The following PTPRT variants were observed in gnomAD, a reference collection of about 807,000 sequenced individuals.
PTPRT encodes receptor-type tyrosine-protein phosphatase T.
Under a neutral mutation model 176.8 loss-of-function variants are expected in PTPRT, and 56 were observed. The ratio of observed to expected loss-of-function variants is 0.32; its 90% CI spans 0.26 to 0.40. PTPRT has a LOEUF of 0.40. PTPRT is among the 10% of genes least tolerant of loss of function. PTPRT has a pLI of 1.00. For missense variants in PTPRT, 1,540 were observed against 1,908.2 expected, an observed-to-expected ratio of 0.81 and a Z score of 3.60; for synonymous variants, 783 against 739.0, an observed-to-expected ratio of 1.06 and a Z score of -0.96.
intron 9 of PTPRT, among the ~76,000 whole-genome samples, chr20:42,398,584 C>T (rs951065573): frequency 2.6e-5 from 4 of 151,980 alleles, no homozygotes; most frequent in East Asian, 1.9e-4. Flanking sequence ...ATTCAAATGG[C>T]GCATCGACAA....
chr20:42,531,741 T>C (rs531658445), intron 7 of PTPRT, among the ~76,000 whole-genome samples: 1 of 152,294 alleles, frequency 6.6e-6, no homozygotes, highest in African/African-American at 2.4e-5. Context: ...AAAGAGACAG[T>C]CACTACTTTG....
intron 2 of PTPRT, among the ~76,000 whole-genome samples, chr20:42,862,087 TA>T (rs1203756026): frequency 1.3e-5 from 2 of 152,124 alleles, no homozygotes; most frequent in Non-Finnish European, 1.5e-5. Context: ...ATAAACAATA[TA>T]AAAATTAACA....
chr20:42,922,455 A>C (rs879904051), intron 1 of PTPRT, among the ~76,000 whole-genome samples: 10 of 152,196 alleles, frequency 6.6e-5, no homozygotes, highest in Non-Finnish European at 1.0e-4. Flanking sequence ...CTGTATATCT[A>C]ACTGCCTAGT....
At chr20:42,059,463 A>T in the PTPRT span, among the ~76,000 whole-genome samples, 2 of 152,202 alleles carry the variant, frequency 1.3e-5, no homozygotes, top group Non-Finnish European at 2.9e-5. Flanking sequence ...CAATGAAGAG[A>T]AATGGAGATA....
At chr20:42,583,256 A>T (rs994697620) in intron 7 of PTPRT, among the ~76,000 whole-genome samples, 4 of 152,124 alleles carry the variant, frequency 2.6e-5, no homozygotes, top group African/African-American at 9.7e-5. Context: ...TTAAAAATCA[A>T]ACGCATACTT....
intron 9 of PTPRT, among the ~76,000 whole-genome samples, chr20:42,440,793 A>C (rs995400257): frequency 6.6e-6 from 1 of 152,176 alleles, no homozygotes; most frequent in Non-Finnish European, 1.5e-5. Context: ...AGTTATGTCA[A>C]GACCAAATGC....
intron 7 of PTPRT, among the ~76,000 whole-genome samples, chr20:42,556,162 T>C (rs2072857843): frequency 1.3e-5 from 2 of 152,130 alleles, no homozygotes; most frequent in African/African-American, 4.8e-5. Flanking sequence ...CTAGCTCAGA[T>C]CACAAAACCC....
the PTPRT span, among the ~76,000 whole-genome samples, chr20:42,059,501 T>C: frequency 1.3e-5 from 2 of 152,188 alleles, no homozygotes. Context: ...TATTTGATTA[T>C]GTTGAATCAT....
intron 2 of PTPRT, among the ~76,000 whole-genome samples, chr20:42,797,751 G>C (rs2077472775): frequency 1.3e-5 from 2 of 152,138 alleles, no homozygotes; most frequent in African/African-American, 4.8e-5. Flanking sequence ...GTAATCACAA[G>C]GGTCCTTTAG....
chr20:42,457,633 A>G (rs2070946155), intron 8 of PTPRT, among the ~76,000 whole-genome samples: 1 of 152,200 alleles, frequency 6.6e-6, no homozygotes, highest in African/African-American at 2.4e-5. Flanking sequence ...GAAAGAATTT[A>G]GATATATTCA....
At chr20:42,543,462 C>T (rs1253921171) in intron 7 of PTPRT, among the ~76,000 whole-genome samples, 2 of 152,140 alleles carry the variant, frequency 1.3e-5, no homozygotes, top group African/African-American at 4.8e-5. Context: ...GGCTTCATAT[C>T]TAATTCTATT....
intron 6 of PTPRT, among the ~76,000 whole-genome samples, chr20:42,711,412 G>A (rs571370578): frequency 6.6e-6 from 1 of 152,188 alleles, no homozygotes; most frequent in Admixed American, 6.5e-5. Flanking sequence ...CTCTCCCTGT[G>A]GTAATCCATT....
intron 7 of PTPRT, among the ~76,000 whole-genome samples, chr20:42,672,511 T>C (rs190349415): frequency 1.3e-5 from 2 of 152,236 alleles, no homozygotes; most frequent in Admixed American, 1.3e-4. Context: ...CCCTGACTAA[T>C]ACAACCACTC....
intron 9 of PTPRT, among the ~76,000 whole-genome samples, chr20:42,446,695 G>A (rs1332679705): frequency 1.3e-5 from 2 of 151,464 alleles, no homozygotes; most frequent in Admixed American, 6.6e-5. Context: ...TTTTGTTTCA[G>A]TTAAATTTTC....
intron 1 of PTPRT, among the ~76,000 whole-genome samples, chr20:42,918,584 C>T (rs968530448): frequency 2.0e-5 from 3 of 152,146 alleles, no homozygotes; most frequent in Non-Finnish European, 4.4e-5. Flanking sequence ...CTGATCCTGT[C>T]CCCATTGCAA....
Position 42,791,325 on chromosome 20 carries a change from G to A in PTPRT, c.356C>T (p.Ala119Val), listed in dbSNP as rs2077371908. The A allele has an allele frequency of 1.9e-6, 3 of 1,614,086 alleles. No individual in the cohort carries two copies. Among genetic ancestry groups the A allele is most frequent in the Non-Finnish European group, 1.7e-6 (2 of 1,180,042 alleles). Reference protein sequence around the residue: ...FSSRDRSSPGALNVYVKVNGG... With the variant: ...FSSRDRSSPGVLNVYVKVNGG... Reference sequence around the variant, plus strand: ...ATTCACCTTCACGTAGACGTTCAAGGCCCCTGGGCTGGACCTGTCACGGCT... The same window carrying A: ...ATTCACCTTCACGTAGACGTTCAAGACCCCTGGGCTGGACCTGTCACGGCT... The change falls in exon 3 of 31, where the codon GCC becomes GTC. Residue 119 changes from alanine (A) to valine (V), a missense_variant. This residue lies in a region of PTPRT where 273 missense variants were observed against 432.1 expected (regional missense o/e 0.63). Transcript: ENST00000373187.
chr20:42,939,141 T>C (rs1445237938), intron 1 of PTPRT, among the ~76,000 whole-genome samples: 1 of 152,198 alleles, frequency 6.6e-6, no homozygotes, highest in East Asian at 1.9e-4. Context: ...AGACCTCTTA[T>C]TAAATGAGTT....
chr20:42,332,575 C>G (rs112820687), intron 11 of PTPRT, among the ~76,000 whole-genome samples: 1 of 152,060 alleles, frequency 6.6e-6, no homozygotes, highest in Non-Finnish European at 1.5e-5. Context: ...CATGAGGTAC[C>G]TTTTTGTTAA....
chr20:42,154,971 G>C (rs1989289975), intron 17 of PTPRT, among the ~76,000 whole-genome samples: 1 of 152,190 alleles, frequency 6.6e-6, no homozygotes, highest in African/African-American at 2.4e-5. Flanking sequence ...TCATCAGCAG[G>C]AGTAGACCTG....
Sources: allele counts gnomAD v4.1 joint callset (sites outside exome capture counted in the v4.1 genomes callset), GRCh38; gene constraint gnomAD v4.1.1; regional missense constraint gnomAD v4.1.1; transcripts MANE v1.5; gene names NCBI Gene and HGNC (gene_info 2026-07-23, HGNC 2026-07-21).